The following PCDH9 variants were observed in gnomAD, a reference collection of about 807,000 sequenced individuals.
PCDH9 encodes protocadherin 9, also known as protocadherin-9.
PCDH9 carries 24 observed loss-of-function variants against 70.6 expected under a neutral mutation model. The ratio of observed to expected loss-of-function variants is 0.34; its 90% CI spans 0.25 to 0.48. The LOEUF is 0.48. Among genes scored for constraint, PCDH9 ranks in the 20% least tolerant of loss-of-function variants. The pLI is 0.99. For missense variants in PCDH9, 1,281 were observed against 1,503.6 expected (o/e 0.85, Z 2.45); for synonymous variants, 562 against 558.5 (o/e 1.01, Z -0.09).
In PCDH9 at chr13:66,537,408, A is replaced by T. The variant is rs192830687; in HGVS notation, c.3340+93802T>A. Among the ~76,000 whole-genome samples the T allele has an allele frequency of 1.8e-4, 27 of 152,286 alleles. No individual in the cohort carries two copies. In the East Asian group the frequency reaches 4.8e-3, roughly 27 times the overall value. On this transcript the variant is annotated intron_variant, in intron 4 of 4. Transcript: ENST00000377865. Reference sequence around the variant, plus strand: ...TTGATATATATAATAAATAGGTGAAAGAAATAAGATCAGTTGATATATTAT... The same window carrying T: ...TTGATATATATAATAAATAGGTGAATGAAATAAGATCAGTTGATATATTAT...
chr13:66,494,507 A>G (rs1959082790), intron 4 of PCDH9, among the ~76,000 whole-genome samples: 1 of 152,110 alleles, frequency 6.6e-6, no homozygotes, highest in Non-Finnish European at 1.5e-5. Flanking sequence ...GGAGATAAAT[A>G]TATCCTGACT....
At chr13:66,955,472 A>AT (rs2083252984) in intron 2 of PCDH9, among the ~76,000 whole-genome samples, 2 of 152,186 alleles carry the variant, frequency 1.3e-5, no homozygotes, top group Admixed American at 6.5e-5. Context: ...GTAAGGTGTC[A>AT]TTTTTTTCTG....
chr13:66,893,242 A>T (rs532084901), intron 3 of PCDH9, among the ~76,000 whole-genome samples: 1 of 152,274 alleles, frequency 6.6e-6, no homozygotes, highest in Non-Finnish European at 1.5e-5. Flanking sequence ...TCCATGAAAC[A>T]TATATCAATA....
At chr13:67,070,544 T>C (rs1036926540) in intron 2 of PCDH9, among the ~76,000 whole-genome samples, 2 of 152,174 alleles carry the variant, frequency 1.3e-5, no homozygotes, top group Non-Finnish European at 2.9e-5. Context: ...ACCTGCTGTG[T>C]TTGTTTATAA....
rs118113882 is a variant in PCDH9, at chr13:66,480,040, C to T, written c.3340+151170G>A. Among the ~76,000 whole-genome samples the T allele has an allele frequency of 4.6e-3, 699 of 152,270 alleles. 29 individuals are homozygous for T. In the East Asian group the frequency reaches 0.088, roughly 19 times the overall value. ...CATTTAAGAGCTGAAACACTCGCCA[C>T]GAAGGTCCACAGCTTCATTCTTGAA... On this transcript the variant is annotated intron_variant, in intron 4 of 4. Coordinates refer to ENST00000377865, the MANE Select transcript of PCDH9 (RefSeq NM_203487.3).
intron 3 of PCDH9, among the ~76,000 whole-genome samples, chr13:66,722,849 T>A (rs1368773099): frequency 2.0e-5 from 3 of 151,066 alleles, no homozygotes; most frequent in Admixed American, 6.6e-5. Flanking sequence ...GTACCTGTAA[T>A]CCCAGCTACT....
intron 4 of PCDH9, among the ~76,000 whole-genome samples, chr13:66,609,917 G>A (rs1352181152): frequency 1.3e-5 from 2 of 150,092 alleles, no homozygotes; most frequent in East Asian, 2.0e-4. Flanking sequence ...CTAGGTCTGA[G>A]AACACTGATA....
chr13:66,371,879 C>A (rs1180696673), intron 4 of PCDH9, among the ~76,000 whole-genome samples: 2 of 152,000 alleles, frequency 1.3e-5, no homozygotes, highest in Non-Finnish European at 2.9e-5. Flanking sequence ...TGATCTCTTC[C>A]CTGCAGAGAA....
intron 4 of PCDH9, among the ~76,000 whole-genome samples, chr13:66,388,491 T>C (rs1255046792): frequency 6.6e-6 from 1 of 152,122 alleles, no homozygotes; most frequent in Admixed American, 6.5e-5. Flanking sequence ...TTCAGTAATA[T>C]GTAATGGGTA....
chr13:66,804,840 A>G (rs1331561711), intron 3 of PCDH9, among the ~76,000 whole-genome samples: 1 of 152,142 alleles, frequency 6.6e-6, no homozygotes, highest in Non-Finnish European at 1.5e-5. Flanking sequence ...GGGACTATAT[A>G]TAATTCTTTA....
At chr13:66,613,851 T>G (rs1395563105) in intron 4 of PCDH9, among the ~76,000 whole-genome samples, 1 of 152,040 alleles carries the variant, frequency 6.6e-6, no homozygotes, top group African/African-American at 2.4e-5. Context: ...TTAGTTCACA[T>G]GACTTTAATA....
chr13:66,387,161 ATTATTGTTCCTCTCC>A (rs1344312684), intron 4 of PCDH9, among the ~76,000 whole-genome samples: 1 of 152,182 alleles, frequency 6.6e-6, no homozygotes, highest in East Asian at 1.9e-4. Context: ...CATCTTCTTA[ATTATTGTTCCTCTCC>A]TGACTGTGAG....
Position 66,304,705 on chromosome 13 carries a change from A to T in PCDH9, c.3664T>A (p.Tyr1222Asn). 3.1e-6 allele frequency: 5 copies of T among 1,613,372 alleles called. No individual in the cohort carries two copies. Among genetic ancestry groups the T allele is most frequent in the Non-Finnish European group, 4.2e-6 (5 of 1,179,578 alleles). The part of the protein sequence containing the change: ...TDIPLANLKS[Y>N]KQAGGATESP... Reference sequence around the variant, plus strand: ...TCAGTAGCACCTCCTGCTTGCTTATAAGACTTCAGATTTGCCAGAGGAATG... The same window carrying T: ...TCAGTAGCACCTCCTGCTTGCTTATTAGACTTCAGATTTGCCAGAGGAATG... Residue 1222 changes from tyrosine to asparagine, a missense_variant, in exon 5 of 5, where the codon TAT becomes AAT. By Grantham distance (143) the Tyr-to-Asn change is moderately radical (BLOSUM62 -2). Around this residue, in one of 4 missense-constraint regions of PCDH9, gnomAD observed 264 missense variants for 278.8 expected, o/e 0.95. Transcript: ENST00000377865.
chr13:66,462,841 T>C (rs1211126127), intron 4 of PCDH9, among the ~76,000 whole-genome samples: 2 of 151,806 alleles, frequency 1.3e-5, no homozygotes, highest in Non-Finnish European at 2.9e-5. Flanking sequence ...AAGTCACTCC[T>C]ATTTTCTACT....
chr13:66,989,356 T>C (rs1566345051), intron 2 of PCDH9, among the ~76,000 whole-genome samples: 1 of 151,934 alleles, frequency 6.6e-6, no homozygotes, highest in Non-Finnish European at 1.5e-5. Flanking sequence ...CACATCACTA[T>C]TAGGAATAGA....
At chr13:66,978,113 T>C (rs1462424935) in intron 2 of PCDH9, among the ~76,000 whole-genome samples, 1 of 152,180 alleles carries the variant, frequency 6.6e-6, no homozygotes, top group Non-Finnish European at 1.5e-5. Context: ...AAATGATGTT[T>C]TCAAGGTATA....
At chr13:66,508,209 A>G (rs1714942927) in intron 4 of PCDH9, among the ~76,000 whole-genome samples, 1 of 152,230 alleles carries the variant, frequency 6.6e-6, no homozygotes, top group South Asian at 2.1e-4. Context: ...ATTAATACTA[A>G]TAACAAGTTG....
At chr13:66,770,523 A>C (rs2079790675) in intron 3 of PCDH9, among the ~76,000 whole-genome samples, 1 of 152,210 alleles carries the variant, frequency 6.6e-6, no homozygotes, top group African/African-American at 2.4e-5. Flanking sequence ...TAGTAGGCTA[A>C]CCTTTTTAGA....
chr13:66,916,646 T>C (rs2082562361), intron 2 of PCDH9, among the ~76,000 whole-genome samples: 1 of 151,534 alleles, frequency 6.6e-6, no homozygotes, highest in South Asian at 2.1e-4. Flanking sequence ...TTCATATAAC[T>C]TGGATCCCGT....
Sources: allele counts gnomAD v4.1 joint callset (sites outside exome capture counted in the v4.1 genomes callset), GRCh38; gene constraint gnomAD v4.1.1; regional missense constraint gnomAD v4.1.1; transcripts MANE v1.5; gene names NCBI Gene and HGNC (gene_info 2026-07-23, HGNC 2026-07-21).